Variants in UST observed in about 807,000 individuals in gnomAD.
UST encodes the protein chondroitin sulfate 2-O-sulfotransferase.
A neutral mutation model predicts 45.6 loss-of-function variants in UST; 21 were observed. The observed-to-expected ratio is 0.46, with a 90% CI of 0.33 to 0.66. The LOEUF (loss-of-function observed/expected upper bound fraction) is 0.66. Ranked by LOEUF, UST falls within the 30% of genes least tolerant of loss-of-function variation. The pLI, the probability that UST is intolerant of heterozygous loss-of-function variation, is 0.02. For synonymous variants in UST, 215 were observed against 200.6 expected, an observed-to-expected ratio of 1.07 and a Z score of -0.61; for missense variants, 463 against 512.4, an observed-to-expected ratio of 0.90 and a Z score of 0.93.
At chr6:148,858,840 A>G (rs1000491608) in intron 1 of UST, among the ~76,000 whole-genome samples, 17 of 152,068 alleles carry the variant, frequency 1.1e-4, no homozygotes, top group African/African-American at 3.9e-4. Context: ...TCCTTTTTTT[A>G]TGGCTGCATA....
At chr6:149,016,409 A>G (rs776761898) in intron 5 of UST, among the ~76,000 whole-genome samples, 1 of 152,192 alleles carries the variant, frequency 6.6e-6, no homozygotes, top group Non-Finnish European at 1.5e-5. Context: ...AAACCCTGGC[A>G]GGGTCAGCAA....
chr6:149,053,616 A>G (rs972246286), intron 7 of UST, among the ~76,000 whole-genome samples: 6 of 152,250 alleles, frequency 3.9e-5, no homozygotes, highest in Non-Finnish European at 7.3e-5. Context: ...ACTTCCAAAA[A>G]AATAGCCACT....
intron 2 of UST, among the ~76,000 whole-genome samples, chr6:148,915,095 A>G (rs564072059): frequency 2.0e-5 from 3 of 152,290 alleles, no homozygotes; most frequent in Non-Finnish European, 2.9e-5. Flanking sequence ...TTTATGCCTC[A>G]GGACCTAATC....
chr6:148,943,781 CT>C (rs10713211), intron 3 of UST, among the ~76,000 whole-genome samples: 54,228 of 152,062 alleles, frequency 0.36, 10,152 homozygotes, highest in South Asian at 0.46. Flanking sequence ...TATTTCATAA[CT>C]TCATTATTCC....
chr6:148,832,130 G>T (rs138331997), intron 1 of UST, among the ~76,000 whole-genome samples: 149 of 152,310 alleles, frequency 9.8e-4, no homozygotes, highest in African/African-American at 3.4e-3. Context: ...AGCTGGGATT[G>T]CACGCATGCA....
intron 1 of UST, among the ~76,000 whole-genome samples, chr6:148,802,619 C>G (rs1211298069): frequency 6.6e-6 from 1 of 152,180 alleles, no homozygotes. Context: ...TTTATATACA[C>G]TCTCTTGGCT....
At chr6:148,880,806 GA>G (rs1778809612) in intron 1 of UST, among the ~76,000 whole-genome samples, 1 of 152,092 alleles carries the variant, frequency 6.6e-6, no homozygotes, top group South Asian at 2.1e-4. Context: ...AAGGTGGGTG[GA>G]TCACGAGATC....
At chr6:149,019,019 T>G in intron 5 of UST, 120 bp from the exon 6 acceptor site, 2 of 807,948 alleles carry the variant, frequency 2.5e-6, no homozygotes, top group Non-Finnish European at 4.1e-6. Flanking sequence ...CTGTGAATTC[T>G]CTTCATCTTC....
chr6:149,043,035 TTC>T (rs1404005401), intron 7 of UST, among the ~76,000 whole-genome samples: 39 of 139,388 alleles, frequency 2.8e-4, no homozygotes, highest in South Asian at 2.4e-3. Flanking sequence ...CTTTCTTTCT[TTC>T]TTTCTTTCCT....
chr6:148,878,861 G>A (rs1778773223), intron 1 of UST, among the ~76,000 whole-genome samples: 1 of 151,816 alleles, frequency 6.6e-6, no homozygotes, highest in Non-Finnish European at 1.5e-5. Context: ...TGAGTGTGGG[G>A]ATCATGTATG....
At chr6:148,964,723 G>GA in intron 5 of UST, 160 bp downstream of exon 5, 1 of 859,466 alleles carries the variant, frequency 1.2e-6, no homozygotes. Flanking sequence ...CTTGGCGAGA[G>GA]AAACTGGTTC....
At chr6:148,820,944 T>C (rs1260959493) in intron 1 of UST, among the ~76,000 whole-genome samples, 1 of 150,724 alleles carries the variant, frequency 6.6e-6, no homozygotes, top group Non-Finnish European at 1.5e-5. Flanking sequence ...CATGTAATTG[T>C]CATGTAGTAT....
intron 2 of UST, among the ~76,000 whole-genome samples, chr6:148,926,255 T>G (rs1005418353): frequency 6.6e-6 from 1 of 152,260 alleles, no homozygotes; most frequent in African/African-American, 2.4e-5. Flanking sequence ...CTCTTTTCAC[T>G]GTGAGTGCAC....
chr6:148,913,286 C>T (rs542551910), intron 2 of UST, among the ~76,000 whole-genome samples: 5 of 152,214 alleles, frequency 3.3e-5, no homozygotes, highest in African/African-American at 1.2e-4. Flanking sequence ...GACTGTGCAT[C>T]GGAAGGGTAG....
At chr6:148,883,433 C>T (rs1778858691) in intron 1 of UST, among the ~76,000 whole-genome samples, 1 of 152,178 alleles carries the variant, frequency 6.6e-6, no homozygotes, top group African/African-American at 2.4e-5. Flanking sequence ...TTAGGAACTT[C>T]AGTTCTTATG....
intron 4 of UST, 45 bp downstream of exon 4, chr6:148,953,996 G>GT: frequency 6.9e-7 from 1 of 1,448,506 alleles, no homozygotes; most frequent in Non-Finnish European, 9.5e-7. Flanking sequence ...TTCTTCTAAT[G>GT]AACAGTTACT....
chr6:148,806,707 G>T (rs1777156256), intron 1 of UST, among the ~76,000 whole-genome samples: 1 of 152,182 alleles, frequency 6.6e-6, no homozygotes, highest in Non-Finnish European at 1.5e-5. Flanking sequence ...CTGACTCACT[G>T]GTCTGGAGGC....
intron 2 of UST, among the ~76,000 whole-genome samples, chr6:148,924,727 T>C (rs1871919): frequency 0.28 from 42,139 of 151,984 alleles, 6,826 homozygotes; most frequent in African/African-American, 0.45. Context: ...CAACTCCCTT[T>C]CGGAGAAGAA....
intron 2 of UST, among the ~76,000 whole-genome samples, chr6:148,910,435 C>T (rs1444489689): frequency 1.3e-5 from 2 of 152,112 alleles, no homozygotes; most frequent in Non-Finnish European, 2.9e-5. Flanking sequence ...GCTTTTTTGA[C>T]ACCCCCACTT....
Sources: allele counts gnomAD v4.1 joint callset (sites outside exome capture counted in the v4.1 genomes callset), GRCh38; gene constraint gnomAD v4.1.1; transcripts MANE v1.5; gene names NCBI Gene and HGNC (gene_info 2026-07-23, HGNC 2026-07-21).